CNTNAP2: variants seen among roughly 807,000 people sequenced by gnomAD.
CNTNAP2 encodes the protein contactin associated protein 2, also known as contactin-associated protein-like 2.
CNTNAP2 carries 98 observed loss-of-function variants against 155.2 expected under a neutral mutation model. The ratio of observed to expected loss-of-function variants is 0.63; its 90% CI spans 0.54 to 0.75. CNTNAP2 has a LOEUF of 0.75. CNTNAP2 is among the 30% of genes least tolerant of loss of function. CNTNAP2 has a pLI of 0.00. For missense variants in CNTNAP2, 1,727 were observed against 1,688.1 expected (o/e 1.02, Z -0.40); for synonymous variants, 651 against 631.2 (o/e 1.03, Z -0.47).
At chr7:146,757,112 A>AG (rs1473761353) in intron 1 of CNTNAP2, among the ~76,000 whole-genome samples, 2 of 152,114 alleles carry the variant, frequency 1.3e-5, no homozygotes, top group Non-Finnish European at 2.9e-5. Flanking sequence ...TTCATGAAAA[A>AG]GAACAAATGC....
chr7:146,538,275 C>T (rs1797900237), intron 1 of CNTNAP2, among the ~76,000 whole-genome samples: 5 of 151,976 alleles, frequency 3.3e-5, no homozygotes, highest in Admixed American at 3.3e-4. Context: ...CAAGTCTTTC[C>T]CCAAATGTCA....
chr7:146,273,086 A>AAGAGAGAG (rs58582637), intron 1 of CNTNAP2, among the ~76,000 whole-genome samples: 9 of 138,064 alleles, frequency 6.5e-5, no homozygotes, highest in African/African-American at 2.3e-4. Flanking sequence ...GAGAAAGAGA[A>AAGAGAGAG]AGAGAGAGAG....
chr7:148,278,499 G>A (rs1796917997), intron 21 of CNTNAP2, among the ~76,000 whole-genome samples: 1 of 150,870 alleles, frequency 6.6e-6, no homozygotes, highest in East Asian at 2.0e-4. Context: ...GAACCCAGGA[G>A]GTGGAGCTTG....
At chr7:146,914,232 A>G (rs1796347917) in intron 3 of CNTNAP2, among the ~76,000 whole-genome samples, 1 of 151,786 alleles carries the variant, frequency 6.6e-6, no homozygotes, top group Non-Finnish European at 1.5e-5. Context: ...TCCATTTTTA[A>G]TTGTGAATGG....
At chr7:146,338,380 T>C (rs1231818318) in intron 1 of CNTNAP2, among the ~76,000 whole-genome samples, 2 of 152,162 alleles carry the variant, frequency 1.3e-5, no homozygotes, top group Admixed American at 6.5e-5. Context: ...CTGCACGTAT[T>C]TAAATTGAAT....
chr7:146,452,563 A>G (rs1796499490), intron 1 of CNTNAP2, among the ~76,000 whole-genome samples: 1 of 152,144 alleles, frequency 6.6e-6, no homozygotes, highest in South Asian at 2.1e-4. Flanking sequence ...TTTGATCCTC[A>G]CTGGAAATAT....
chr7:148,019,283 T>G (rs1206119337), intron 15 of CNTNAP2, among the ~76,000 whole-genome samples: 1 of 152,178 alleles, frequency 6.6e-6, no homozygotes, highest in African/African-American at 2.4e-5. Flanking sequence ...GTCTGGGAAT[T>G]CTCTGTCTCC....
intron 21 of CNTNAP2, among the ~76,000 whole-genome samples, chr7:148,283,270 A>AGAAG (rs1797011600): frequency 1.0e-5 from 1 of 96,768 alleles, no homozygotes; most frequent in South Asian, 3.3e-4. Flanking sequence ...AAAGAAAGAA[A>AGAAG]GAAAGAAAGA....
intron 13 of CNTNAP2, among the ~76,000 whole-genome samples, chr7:147,862,510 G>A (rs1259104817): frequency 6.6e-6 from 1 of 152,038 alleles, no homozygotes; most frequent in African/African-American, 2.4e-5. Flanking sequence ...GAGGGCAGTC[G>A]GGAGAAAATC....
At chr7:147,533,682 G>A (rs745558155) in intron 11 of CNTNAP2, among the ~76,000 whole-genome samples, 4 of 149,806 alleles carry the variant, frequency 2.7e-5, no homozygotes, top group Non-Finnish European at 5.9e-5. Context: ...GAGGCAAGAG[G>A]ATCACTTGAG....
chr7:147,190,194 C>T (rs565717164), intron 8 of CNTNAP2, among the ~76,000 whole-genome samples: 1 of 152,156 alleles, frequency 6.6e-6, no homozygotes, highest in African/African-American at 2.4e-5. Context: ...CTCTTCATGA[C>T]CATTTCACTG....
At chr7:147,799,924 A>G (rs530133684) in intron 13 of CNTNAP2, among the ~76,000 whole-genome samples, 1 of 152,326 alleles carries the variant, frequency 6.6e-6, no homozygotes, top group Non-Finnish European at 1.5e-5. Context: ...TAAATCTTTC[A>G]GTGGAAATTA....
chr7:147,806,459 G>A (rs891516414), intron 13 of CNTNAP2, among the ~76,000 whole-genome samples: 3 of 151,994 alleles, frequency 2.0e-5, no homozygotes, highest in Non-Finnish European at 2.9e-5. Flanking sequence ...TAAAAATAGA[G>A]CTATTAATAC....
At chr7:146,696,908 A>G (rs2129172490) in intron 1 of CNTNAP2, among the ~76,000 whole-genome samples, 1 of 152,246 alleles carries the variant, frequency 6.6e-6, no homozygotes, top group Admixed American at 6.5e-5. Context: ...AAATTCATTA[A>G]GCTGTGTTTT....
At chr7:146,995,203 G>A (rs1798284165) in intron 3 of CNTNAP2, among the ~76,000 whole-genome samples, 1 of 151,980 alleles carries the variant, frequency 6.6e-6, no homozygotes. Flanking sequence ...ATTCCATTGT[G>A]TATATATACT....
At chr7:147,049,517 AAAGG>A (rs1468661124) in intron 4 of CNTNAP2, among the ~76,000 whole-genome samples, 1 of 135,944 alleles carries the variant, frequency 7.4e-6, no homozygotes, top group Non-Finnish European at 1.5e-5. Context: ...TTCAATGAGA[AAAGG>A]AATCATATAA....
chr7:146,132,696 G>A (rs999973196), intron 1 of CNTNAP2, among the ~76,000 whole-genome samples: 13 of 151,808 alleles, frequency 8.6e-5, no homozygotes, highest in African/African-American at 2.9e-4. Flanking sequence ...ATAGTTTACT[G>A]AGAATGTTTT....
chr7:146,356,718 G>A (rs1028307499), intron 1 of CNTNAP2, among the ~76,000 whole-genome samples: 1 of 152,080 alleles, frequency 6.6e-6, no homozygotes, highest in South Asian at 2.1e-4. Flanking sequence ...TCTAGAGTTT[G>A]GATGGAGAAG....
At chr7:146,202,354 A>C (rs1798878341) in intron 1 of CNTNAP2, among the ~76,000 whole-genome samples, 2 of 152,180 alleles carry the variant, frequency 1.3e-5, no homozygotes, top group South Asian at 4.1e-4. Context: ...TCTCCTCTTA[A>C]GGATAAAACT....
Sources: gnomAD v4.1 joint callset for allele counts (sites outside exome capture counted in the v4.1 genomes callset) on GRCh38, gnomAD v4.1.1 for gene constraint, MANE v1.5 for transcripts, NCBI Gene and HGNC (gene_info 2026-07-23, HGNC 2026-07-21) for gene names.